RALGDS: variants seen among roughly 807,000 people sequenced by gnomAD.
The protein encoded by RALGDS is ral guanine nucleotide dissociation stimulator, also known as ral guanine nucleotide exchange factor.
Under a neutral mutation model 99.8 loss-of-function variants are expected in RALGDS, and 44 were observed. The ratio of observed to expected loss-of-function variants is 0.44; its 90% confidence interval spans 0.35 to 0.57. The LOEUF is 0.57. Among genes scored for constraint, RALGDS ranks in the 20% least tolerant of loss-of-function variants. The probability of loss-of-function intolerance (pLI) is 0.01; values close to 1 mark genes in which losing one functional copy is unlikely to be tolerated. For missense variants in RALGDS, 1,022 were observed against 1,203.1 expected, an observed-to-expected ratio of 0.85 and a Z score of 2.23; for synonymous variants, 529 against 505.0, an observed-to-expected ratio of 1.05 and a Z score of -0.64.
At chr9:133,104,176 C>T (rs905304148) in intron 10 of RALGDS, 87 bp downstream of exon 10, 5 of 1,383,060 alleles carry the variant, frequency 3.6e-6, no homozygotes, top group Non-Finnish European at 5.1e-6. Flanking sequence ...TAATGGGGCC[C>T]ATAGGCACCG....
At chr9:133,123,373 T>C (rs1011054947), upstream of RALGDS, among the ~76,000 whole-genome samples, 3 of 152,142 alleles carry the variant, frequency 2.0e-5, no homozygotes, top group African/African-American at 7.2e-5. Context: ...CATGAGGACA[T>C]AGAGGAATCA....
upstream of RALGDS, chr9:133,121,258 C>G: frequency 1.0e-6 from 1 of 986,234 alleles, no homozygotes; most frequent in Non-Finnish European, 1.2e-6. Context: ...CGCGGCCCGG[C>G]CCTGCTGATG....
intron 9 of RALGDS, chr9:133,104,549 C>A: frequency 1.8e-6 from 1 of 569,072 alleles, no homozygotes; most frequent in Non-Finnish European, 3.2e-6. Flanking sequence ...CGGTGGCTCA[C>A]GCCTGTAATC....
intron 1 of RALGDS, among the ~76,000 whole-genome samples, chr9:133,138,434 C>T (rs1341004190): frequency 3.3e-5 from 5 of 152,200 alleles, no homozygotes; most frequent in Admixed American, 2.6e-4. Context: ...AGCAAGGTAC[C>T]AGCTGCCCTC....
intron 1 of RALGDS, among the ~76,000 whole-genome samples, chr9:133,136,680 G>A (rs1832432771): frequency 6.6e-6 from 1 of 152,206 alleles, no homozygotes; most frequent in African/African-American, 2.4e-5. Context: ...GGCTGAGGCA[G>A]AGAACTGCTT....
chr9:133,117,907 T>C (rs748649946), intron 1 of RALGDS, among the ~76,000 whole-genome samples: 1 of 152,212 alleles, frequency 6.6e-6, no homozygotes, highest in Non-Finnish European at 1.5e-5. Context: ...TCTTTTCTCA[T>C]TGGCAACGCA....
rs767503233 is a variant in RALGDS, at chr9:133,104,351, G to A, written c.1603-20C>T. On this transcript the variant is annotated intron_variant, in intron 9 of 17. Coordinates refer to ENST00000372050, the MANE Select transcript of RALGDS (RefSeq NM_006266.4). ...GCCCTCCTGCCAGGGTAGAGGACAGGGTCAGCAAGGCCCTATCCCCTCAGC... is the reference window on the plus strand; with the variant it reads ...GCCCTCCTGCCAGGGTAGAGGACAGAGTCAGCAAGGCCCTATCCCCTCAGC... 2 of 1,600,992 alleles carry A rather than the reference G, an allele frequency of 1.2e-6. No homozygotes were observed. The highest frequency in any genetic ancestry group is 1.7e-5 in the Admixed American group (1 of 60,000).
chr9:133,106,343 C>T (rs184135769), intron 8 of RALGDS, among the ~76,000 whole-genome samples: 17 of 152,322 alleles, frequency 1.1e-4, no homozygotes, highest in African/African-American at 4.1e-4. Flanking sequence ...ATTCTCCTGC[C>T]TCAGCCTCCC....
chr9:133,137,996 C>T (rs1170145080), intron 1 of RALGDS, among the ~76,000 whole-genome samples: 1 of 152,210 alleles, frequency 6.6e-6, no homozygotes, highest in Non-Finnish European at 1.5e-5. Flanking sequence ...CAAACGGGCC[C>T]TTGTGGTTGG....
chr9:133,123,281 C>G (rs1832012690), upstream of RALGDS, among the ~76,000 whole-genome samples: 1 of 152,210 alleles, frequency 6.6e-6, no homozygotes, highest in Non-Finnish European at 1.5e-5. Context: ...TTTATCTCCT[C>G]TGCTCTCTTT....
Position 133,121,213 on chromosome 9 carries a change from G to C in RALGDS, c.-59C>G. The stretch of plus-strand genomic sequence containing the variant: ...GGCGCGCGGCGGGGGCGGCGGCGCG[G>C]CCCGCGCGGCTGGGCTTTGCCACCG... On this transcript the variant is annotated 5_prime_UTR_variant, in exon 1 of 18. Coordinates refer to ENST00000372050, the MANE Select transcript of RALGDS (RefSeq NM_006266.4). The C allele has an allele frequency of 2.0e-6, 2 of 987,136 alleles. No individual in the cohort carries two copies. The highest frequency in any genetic ancestry group is 2.4e-6 in the Non-Finnish European group (2 of 832,942). 61.1% of individuals were successfully genotyped at this position (987,136 alleles called of 1,614,324 possible).
Position 133,098,613 on chromosome 9 carries a change from G to C in RALGDS, c.2719C>G (p.Leu907Val). ...STLPRMKQKG[L>V]KIAKGIF Reference sequence around the variant, plus strand: ...CAGAAGATGCCCTTGGCAATCTTGAGTCCTTTCTGCTTCATGCGAGGGAGG... The same window carrying C: ...CAGAAGATGCCCTTGGCAATCTTGACTCCTTTCTGCTTCATGCGAGGGAGG... The change falls in exon 18 of 18, where the codon CTC becomes GTC. Residue 907 changes from leucine to valine, a missense_variant. Leu to Val is a conservative substitution (Grantham distance 32). Transcript: ENST00000372050. 1 of 1,614,212 alleles carries C rather than the reference G, an allele frequency of 6.2e-7. No individual in the cohort carries two copies. Among genetic ancestry groups the C allele is most frequent in the African/African-American group, 1.3e-5 (1 of 75,072 alleles).
At chr9:133,112,180 C>A (rs985358108) in intron 1 of RALGDS, 28 bp from the exon 2 acceptor site, 7 of 1,510,826 alleles carry the variant, frequency 4.6e-6, no homozygotes, top group Admixed American at 2.0e-5. Context: ...GGCAGCCGGG[C>A]GCGGGGACGT....
intron 9 of RALGDS, 26 bp downstream of exon 9, chr9:133,105,906 C>G (rs199595371): frequency 2.4e-6 from 2 of 822,564 alleles, no homozygotes; most frequent in African/African-American, 2.4e-5. Context: ...CGCCCCAGCC[C>G]CCGCCCCAGC....
chr9:133,098,835 G>A (rs1321980350), intron 17 of RALGDS, 73 bp from the exon 18 acceptor site: 23 of 1,474,772 alleles, frequency 1.6e-5, no homozygotes, highest in Non-Finnish European at 1.6e-5. Flanking sequence ...CCGCTTGAGA[G>A]CCCATACAAG....
upstream of RALGDS, among the ~76,000 whole-genome samples, chr9:133,135,118 G>A (rs927780514): frequency 6.6e-6 from 1 of 152,270 alleles, no homozygotes; most frequent in East Asian, 1.9e-4. Context: ...AGGCAGAGCC[G>A]CAGAATGACT....
In RALGDS at chr9:133,112,115, C is replaced by T; in HGVS notation, c.221G>A (p.Gly74Glu). 2.5e-6 allele frequency: 4 copies of T among 1,581,276 alleles called. No individual in the cohort carries two copies. The highest frequency in any genetic ancestry group is 3.4e-6 in the Non-Finnish European group (4 of 1,162,724). The change falls in exon 2 of 18, where the codon GGA (glycine) becomes GAA (glutamate). Residue 74 changes from glycine to glutamate, a missense_variant. Transcript: ENST00000372050. ...TQEIGEELIN[G>E]VIYSISLRKV... ...GCGCAGGGAGATGGAGTAGATGACT[C>T]CGTTGATCAGCTCCTCACCGATCTC...
In RALGDS at chr9:133,101,691, G is replaced by C; in HGVS notation, c.2283C>G (p.Ser761=). The C allele has an allele frequency of 6.2e-7, 1 of 1,613,990 alleles. No individual in the cohort carries two copies. The highest frequency in any genetic ancestry group is 8.5e-7 in the Non-Finnish European group (1 of 1,179,982). Residue 761 remains serine, a synonymous_variant, in exon 16 of 18, where the codon TCC becomes TCG. Transcript: ENST00000372050. ...CCACGGGCGTGGTGGAGGCTGAGGA[G>C]GACGAGGTGCTGCTGGAGGCTGAGC... ...GISSASSSTS[S]SSASTTPVAA... is the part of the protein sequence containing the mutation.
chr9:133,146,366 C>T (rs1398276907), intron 1 of RALGDS, among the ~76,000 whole-genome samples: 1 of 152,102 alleles, frequency 6.6e-6, no homozygotes, highest in Non-Finnish European at 1.5e-5. Flanking sequence ...TTTTGTATTT[C>T]TTTTTTGTAG....
Sources: gnomAD v4.1 joint callset for allele counts (sites outside exome capture counted in the v4.1 genomes callset) on GRCh38, gnomAD v4.1.1 for gene constraint, MANE v1.5 for transcripts, NCBI Gene and HGNC (gene_info 2026-07-23, HGNC 2026-07-21) for gene names.